PLXNB3: variants seen among roughly 807,000 people sequenced by gnomAD.
PLXNB3 encodes the protein plexin-B3.
In PLXNB3, 80 loss-of-function variants were observed where a neutral mutation model predicts 125.7. The observed-to-expected ratio is 0.64, with a 90% CI of 0.53 to 0.77. PLXNB3 has a LOEUF of 0.77. Ranked by LOEUF, PLXNB3 falls within the 30% of genes least tolerant of loss-of-function variation. The pLI is 0.00. For synonymous variants in PLXNB3, 954 were observed against 783.3 expected, an observed-to-expected ratio of 1.22 and a Z score of -3.64; for missense variants, 1,836 against 1,729.3, an observed-to-expected ratio of 1.06 and a Z score of -1.09.
rs1557063084 is a variant in PLXNB3, at chrX:153,774,178, T to C, written c.3520-8T>C. The C allele has an allele frequency of 8.3e-7, 1 of 1,204,069 alleles. No individual in the cohort carries two copies. Among genetic ancestry groups the C allele is most frequent in the Admixed American group, 2.2e-5 (1 of 45,991 alleles). ...GGCCAGCGGCTTAGGCTCCCATGTGTGTCCCAGGGCGAGGGCCTCAACCTG... is the reference window on the plus strand; with the variant it reads ...GGCCAGCGGCTTAGGCTCCCATGTGCGTCCCAGGGCGAGGGCCTCAACCTG... On this transcript the variant is annotated splice_region_variant and splice_polypyrimidine_tract_variant and intron_variant, in intron 20 of 35. Coordinates refer to ENST00000361971, the MANE Select transcript of PLXNB3 (RefSeq NM_005393.3).
In PLXNB3 at chrX:153,768,330, C is replaced by G. The variant is rs781919430; in HGVS notation, c.1168C>G (p.Leu390Val). 5 of 1,209,715 alleles carry G rather than the reference C, an allele frequency of 4.1e-6. No homozygotes were observed. Among genetic ancestry groups the G allele is most frequent in the Non-Finnish European group, 5.6e-6 (5 of 894,704 alleles). ...CCGCCAGCCCCTGGAGGTCCAGCCT[C>G]TGCTGAAGCTCGGGCAGCCGGTCAG... is the stretch of plus-strand genomic sequence containing the variant. ...AGRQPLEVQP[L>V]LKLGQPVSAV... Residue 390 changes from leucine (L) to valine (V), a missense_variant, in exon 4 of 36, where the codon CTG becomes GTG. Coordinates refer to ENST00000361971, the MANE Select transcript of PLXNB3 (RefSeq NM_005393.3).
chrX:153,768,930 C>G lies in PLXNB3; in HGVS notation c.1267-18C>G. The G allele has an allele frequency of 2.5e-6, 3 of 1,207,644 alleles. No homozygotes were observed. The highest frequency in any genetic ancestry group is 3.4e-6 in the Non-Finnish European group (3 of 893,274). Reference sequence around the variant, plus strand: ...CTTTGGCCATCTGGCCCAGCCTCGTCCTTGTCCCCCCACTCAGGTCTTTCT... The same window carrying G: ...CTTTGGCCATCTGGCCCAGCCTCGTGCTTGTCCCCCCACTCAGGTCTTTCT... On this transcript the variant is annotated intron_variant, in intron 4 of 35. Transcript: ENST00000361971.
chrX:153,773,139 C>T (rs932257553), intron 17 of PLXNB3, 91 bp from the exon 18 acceptor site: 7 of 1,080,009 alleles, frequency 6.5e-6, no homozygotes, highest in Middle Eastern at 2.8e-4. Context: ...TCAAGGCAGG[C>T]AAAGCAGGGC....
rs781955783 is a variant in PLXNB3 at position 153,770,154 on chromosome X, C to T, written c.1692C>T (p.Phe564=). 8.3e-6 allele frequency: 10 copies of T among 1,211,174 alleles called. No homozygotes were observed. Among genetic ancestry groups the T allele is most frequent in the East Asian group, 5.9e-5 (2 of 33,866 alleles). ...CAGATGAATACTTCCATTGTGCGTT[C>T]GGGGACTATGACAGCTTGGCTCATG... ...LDADEYFHCA[F]GDYDSLAHVE... is the part of the protein sequence containing the mutation. The change falls in exon 8 of 36, where the codon TTC becomes TTT. Residue 564 remains phenylalanine, a synonymous_variant. Transcript: ENST00000361971.
At position 153,766,727 on chromosome X, in the gene PLXNB3, C is replaced by T. The variant is rs950295246; in HGVS notation, c.46-146C>T. The T allele has an allele frequency of 2.8e-5, 29 of 1,052,278 alleles. No individual in the cohort carries two copies. The Admixed American group carries it at 2.8e-4, about 10-fold the overall frequency. The allele number at this position is 1,052,278 out of a possible 1,213,427, so 86.7% of individuals were successfully genotyped here. On this transcript the variant is annotated intron_variant, in intron 2 of 35. Transcript: ENST00000361971. ...TGTGCCCCCTCTGTCTCCTTGTCTCCGCTCACTCTCTCTCATTCTCCATCT... is the reference window on the plus strand; with the variant it reads ...TGTGCCCCCTCTGTCTCCTTGTCTCTGCTCACTCTCTCTCATTCTCCATCT...
At chrX:153,778,575 G>A in intron 34 of PLXNB3, 25 bp from the exon 35 acceptor site, 1 of 1,185,249 alleles carries the variant, frequency 8.4e-7, no homozygotes. Flanking sequence ...GGACCTCACT[G>A]CCCCCCTCCA....
Position 153,777,650 on chromosome X carries a change from C to T in PLXNB3, c.5223C>T (p.Ile1741=). The T allele has an allele frequency of 2.5e-6, 3 of 1,211,890 alleles. No homozygotes were observed. Among genetic ancestry groups the T allele is most frequent in the Non-Finnish European group, 3.4e-6 (3 of 895,428 alleles). The part of the protein sequence containing the change: ...LLDELAEKHG[I]EDPGTLHIWK... ...ATGAGCTAGCAGAGAAGCACGGCAT[C>T]GAGGACCCAGGGACCCTGCACATCT... is the stretch of plus-strand genomic sequence containing the variant. The change falls in exon 31 of 36, where the codon ATC becomes ATT. Residue 1741 remains isoleucine, a synonymous_variant. Coordinates refer to ENST00000361971, the MANE Select transcript of PLXNB3 (RefSeq NM_005393.3).
rs782240444 is a variant in PLXNB3 at position 153,778,989 on chromosome X, C to T, written c.5680C>T (p.Arg1894Cys). ...PVGQKLQLAC[R>C]LQQVAALVEN... ...GGGCCAGAAGCTGCAGCTGGCCTGC[C>T]GCCTGCAGCAGGTCGCCGCCCTGGT... Residue 1894 changes from arginine to cysteine, a missense_variant, in exon 36 of 36, where the codon CGC becomes TGC. Transcript: ENST00000361971. 1.8e-4 allele frequency: 220 copies of T among 1,198,200 alleles called. No individual in the cohort carries two copies. Among genetic ancestry groups the T allele is most frequent in the Non-Finnish European group, 2.4e-4 (213 of 889,406 alleles).
Position 153,774,772 on chromosome X carries a change from C to A in PLXNB3, c.3897C>A (p.Thr1299=), listed in dbSNP as rs137976092. 8.9e-4 allele frequency: 1,074 copies of A among 1,202,477 alleles called. 6 individuals are homozygous for A. In the African/African-American group the frequency reaches 0.017, roughly 19 times the overall value. The change falls in exon 23 of 36, where the codon ACC becomes ACA. Residue 1299 remains threonine (T), a synonymous_variant. Transcript: ENST00000361971. ...KVLVQLESLE[T]GVGDQCRKEF... ...TAGTGCAGCTGGAGAGCCTGGAGAC[C>A]GGCGTGGGAGACCAGTGCCGCAAGG...
rs782276100 is a variant in PLXNB3 at position 153,767,073 on chromosome X, G to A, written c.246G>A (p.Gln82=). Residue 82 remains glutamine, a synonymous_variant, in exon 3 of 36, where the codon CAG becomes CAA. Transcript: ENST00000361971. Reference sequence around the variant, plus strand: ...TCTTCCAGCTCAGCCCCGAGCTGCAGCTCGAGGCCGTGGCTGTCACTGGCC... The same window carrying A: ...TCTTCCAGCTCAGCCCCGAGCTGCAACTCGAGGCCGTGGCTGTCACTGGCC... ...NRLFQLSPEL[Q]LEAVAVTGPV... The A allele has an allele frequency of 8.3e-7, 1 of 1,210,619 alleles. No homozygotes were observed. Among genetic ancestry groups the A allele is most frequent in the East Asian group, 3.0e-5 (1 of 33,842 alleles).
rs782718017 is a variant in PLXNB3 at position 153,769,938 on chromosome X, A to G, written c.1628A>G (p.Gln543Arg). 3 of 1,205,495 alleles carry G rather than the reference A, an allele frequency of 2.5e-6. No homozygotes were observed. Among genetic ancestry groups the G allele is most frequent in the Non-Finnish European group, 1.1e-6 (1 of 892,672 alleles). The change falls in exon 7 of 36, where the codon CAG (glutamine) becomes CGG (arginine). Residue 543 changes from glutamine (Q) to arginine (R), a missense_variant and splice_region_variant. Gln to Arg is a conservative substitution (Grantham distance 43). Transcript: ENST00000361971. ...CACCACCCCCGCCAGGAGCAGGGCC[A>G]GGTAAGCCGCCCACCACCACTGGGC... ...PGHHPRQEQG[Q>R]VTLSVPRLPI... is the part of the protein sequence containing the mutation.
At chrX:153,766,258 G>A (rs781914374) in intron 2 of PLXNB3, 9 of 1,165,326 alleles carry the variant, frequency 7.7e-6, no homozygotes, top group African/African-American at 1.8e-5. Flanking sequence ...TGCTCAGCCC[G>A]CGGCTGCCTG....
At position 153,766,969 on chromosome X, in the gene PLXNB3, T is replaced by C. The variant is rs1394011480; in HGVS notation, c.142T>C (p.Ser48Pro). 1 of 1,209,227 alleles carries C rather than the reference T, an allele frequency of 8.3e-7. No individual in the cohort carries two copies. The highest frequency in any genetic ancestry group is 1.1e-6 in the Non-Finnish European group (1 of 895,190). Residue 48 changes from serine to proline, a missense_variant, in exon 3 of 36, where the codon TCC becomes CCC. Transcript: ENST00000361971. ...PLPLTGAHRFSAPNTTLNHLA... is the reference protein window; with the variant it reads ...PLPLTGAHRFPAPNTTLNHLA... ...GCCCTTGACAGGGGCCCATCGCTTCTCCGCACCTAATACCACTCTCAACCA... is the reference window on the plus strand; with the variant it reads ...GCCCTTGACAGGGGCCCATCGCTTCCCCGCACCTAATACCACTCTCAACCA...
Position 153,768,308 on chromosome X carries a change from C to A in PLXNB3, c.1146C>A (p.Arg382=), listed in dbSNP as rs781988438. ...ACACCCCCAGCCCCATTGCTGGCCG[C>A]CAGCCCCTGGAGGTCCAGCCTCTGC... The part of the protein sequence containing the change: ...DEHTPSPIAG[R]QPLEVQPLLK... The change falls in exon 4 of 36, where the codon CGC becomes CGA. Residue 382 remains arginine, a synonymous_variant. Coordinates refer to ENST00000361971, the MANE Select transcript of PLXNB3 (RefSeq NM_005393.3). 5.0e-6 allele frequency: 6 copies of A among 1,208,527 alleles called. No individual in the cohort carries two copies. Among genetic ancestry groups the A allele is most frequent in the Non-Finnish European group, 5.6e-6 (5 of 893,076 alleles).
intron 16 of PLXNB3, among the ~76,000 whole-genome samples, 155 bp downstream of exon 16, chrX:153,772,442 G>T (rs1289477673): frequency 1.8e-5 from 2 of 112,161 alleles, no homozygotes; most frequent in Non-Finnish European, 1.9e-5. Flanking sequence ...AGTGGAGGTG[G>T]GCAGCCAGGC....
Position 153,778,091 on chromosome X carries a change from G to A in PLXNB3, c.5405G>A (p.Gly1802Asp), listed in dbSNP as rs781865529. ...DSCTTSEHKVGRDSPVNKLLY... is the reference protein window; with the variant it reads ...DSCTTSEHKVDRDSPVNKLLY... ...TGTACCACCTCGGAGCATAAAGTGG[G>A]CCGGGTGAGAGCAGTGCCAGCAGCA... is the stretch of plus-strand genomic sequence containing the variant. The change falls in exon 32 of 36, where the codon GGC (glycine) becomes GAC (aspartate). Residue 1802 changes from glycine to aspartate, a missense_variant. Coordinates refer to ENST00000361971, the MANE Select transcript of PLXNB3 (RefSeq NM_005393.3). 5.0e-6 allele frequency: 6 copies of A among 1,210,205 alleles called. No homozygotes were observed. The South Asian group carries it at 8.8e-5, about 18-fold the overall frequency.
In PLXNB3 at chrX:153,773,766, A is replaced by C; in HGVS notation, c.3279+53A>C. On this transcript the variant is annotated intron_variant, in intron 19 of 35. Transcript: ENST00000361971. ...GCTGTCCCCGACCATGCCCATGCCC[A>C]GTGGGGAGGAGGAGGGTAGGCCGCC... 2.5e-6 allele frequency: 3 copies of C among 1,184,352 alleles called. No individual in the cohort carries two copies. In the South Asian group the frequency reaches 5.6e-5, roughly 22 times the overall value.
chrX:153,775,738 G>C lies in PLXNB3; in HGVS notation c.4401+78G>C, dbSNP rs1190065029. 4 of 1,100,966 alleles carry C rather than the reference G, an allele frequency of 3.6e-6. No individual in the cohort carries two copies. The Admixed American group carries it at 9.2e-5, about 25-fold the overall frequency. The allele number at this position is 1,100,966 out of a possible 1,213,427, so 90.7% of individuals were successfully genotyped here. The stretch of plus-strand genomic sequence containing the variant: ...TCTTGCCATGAGGGGGCTACTGCCT[G>C]CGCCCTACGTGACGAAGGCCCGGCA... On this transcript the variant is annotated intron_variant, in intron 26 of 35. Coordinates refer to ENST00000361971, the MANE Select transcript of PLXNB3 (RefSeq NM_005393.3).
At chrX:153,770,482 G>T in intron 9 of PLXNB3, 36 bp downstream of exon 9, 1 of 1,198,721 alleles carries the variant, frequency 8.3e-7, no homozygotes, top group Non-Finnish European at 1.1e-6. Flanking sequence ...GGTAGGGGTG[G>T]CGACCCCAGA....
Sources: gnomAD v4.1 joint callset for allele counts (sites outside exome capture counted in the v4.1 genomes callset) on GRCh38, gnomAD v4.1.1 for gene constraint, MANE v1.5 for transcripts, NCBI Gene and HGNC (gene_info 2026-07-23, HGNC 2026-07-21) for gene names.